TRIP4: variants seen among roughly 807,000 people sequenced by gnomAD.
The protein encoded by TRIP4 is thyroid hormone receptor interactor 4.
TRIP4 carries 54 observed loss-of-function variants against 81.8 expected under a neutral mutation model. The observed-to-expected ratio is 0.66, with a 90% CI of 0.53 to 0.83. TRIP4 has a LOEUF of 0.83. Ranked by LOEUF, TRIP4 falls within the 40% of genes least tolerant of loss-of-function variation. The pLI, the probability that TRIP4 is intolerant of heterozygous loss-of-function variation, is 0.00. For missense variants in TRIP4, 662 were observed against 683.6 expected (o/e 0.97, Z 0.35); for synonymous variants, 270 against 242.8 (o/e 1.11, Z -1.04).
intron 11 of TRIP4, among the ~76,000 whole-genome samples, chr15:64,435,283 A>G (rs1273731863): frequency 1.4e-5 from 2 of 143,136 alleles, no homozygotes; most frequent in Admixed American, 7.1e-5. Flanking sequence ...GCACTTTGGG[A>G]GGCCATGGCG....
intron 6 of TRIP4, among the ~76,000 whole-genome samples, chr15:64,409,014 A>C (rs1050353210): frequency 3.2e-4 from 49 of 152,184 alleles, no homozygotes; most frequent in Admixed American, 2.7e-3. Context: ...GGAGTTCAAG[A>C]CCAGCCAAGC....
chr15:64,426,323 G>A (rs1245777741), intron 11 of TRIP4, among the ~76,000 whole-genome samples: 1 of 151,936 alleles, frequency 6.6e-6, no homozygotes, highest in African/African-American at 2.4e-5. Context: ...TTTGGGAGGA[G>A]GTATGTGTAT....
rs763249950 is a variant in TRIP4 at position 64,409,746 on chromosome 15, C to T, written c.961C>T (p.Arg321Ter). 9 of 1,614,066 alleles carry T rather than the reference C, an allele frequency of 5.6e-6. No homozygotes were observed. Among genetic ancestry groups the T allele is most frequent in the Non-Finnish European group, 7.6e-6 (9 of 1,180,014 alleles). ...GCTGAGAGAACTTCGACACGCCTCT[C>T]GACTTTCTAAGAAGGTCACCATTGA... is the stretch of plus-strand genomic sequence containing the variant. Reference protein sequence around the residue: ...EELRELRHASRLSKKVTIDFA... With the variant: ...EELRELRHAS Residue 321 changes from arginine to a stop codon, truncating the protein, a stop_gained, in exon 7 of 13, where the codon CGA becomes TGA. Transcript: ENST00000261884. LOFTEE classifies it high-confidence loss of function.
At chr15:64,431,954 T>C (rs1892289063) in intron 11 of TRIP4, among the ~76,000 whole-genome samples, 1 of 147,610 alleles carries the variant, frequency 6.8e-6, no homozygotes, top group Admixed American at 6.8e-5. Flanking sequence ...TGGAGTGATC[T>C]TGGCTCACTG....
chr15:64,429,756 G>A (rs991699424), intron 11 of TRIP4, among the ~76,000 whole-genome samples: 3 of 152,092 alleles, frequency 2.0e-5, no homozygotes, highest in African/African-American at 7.2e-5. Context: ...GAACCATCTA[G>A]GAAGTAGTTT....
intron 2 of TRIP4, among the ~76,000 whole-genome samples, chr15:64,394,756 A>G (rs894291593): frequency 6.6e-6 from 1 of 152,252 alleles, no homozygotes; most frequent in Non-Finnish European, 1.5e-5. Context: ...TGACTATAGT[A>G]TGAATAGCAT....
In TRIP4 at chr15:64,393,954, T is replaced by G. The variant is rs758629931; in HGVS notation, c.110T>G (p.Leu37Trp). 5 of 1,584,832 alleles carry G rather than the reference T, an allele frequency of 3.2e-6. No homozygotes were observed. Among genetic ancestry groups the G allele is most frequent in the Non-Finnish European group, 3.4e-6 (4 of 1,168,434 alleles). ...TATCTTTGCCTCCTGAGGTACGTTT[T>G]GTCAATTGAGAGTGCTGAAGAGATA... ...DVSEEIIQYVLSIESAEEIRE... is the reference protein window; with the variant it reads ...DVSEEIIQYVWSIESAEEIRE... Residue 37 changes from leucine to tryptophan, a missense_variant, in exon 2 of 13, where the codon TTG (leucine) becomes TGG (tryptophan). Coordinates refer to ENST00000261884, the MANE Select transcript of TRIP4 (RefSeq NM_016213.5).
At chr15:64,399,529 TG>T (rs1891437522) in intron 4 of TRIP4, among the ~76,000 whole-genome samples, 1 of 151,904 alleles carries the variant, frequency 6.6e-6, no homozygotes, top group Admixed American at 6.6e-5. Flanking sequence ...TTTTTTGAGA[TG>T]GAGTCTCACT....
chr15:64,441,059 C>T (rs995256315), intron 11 of TRIP4, among the ~76,000 whole-genome samples: 31 of 151,666 alleles, frequency 2.0e-4, no homozygotes, highest in African/African-American at 6.5e-4. Context: ...TGCAGTGGTG[C>T]GATCTCGGCT....
intron 7 of TRIP4, among the ~76,000 whole-genome samples, chr15:64,411,989 G>T (rs1379197541): frequency 6.6e-6 from 1 of 152,024 alleles, no homozygotes; most frequent in Non-Finnish European, 1.5e-5. Flanking sequence ...ACTAAATTGT[G>T]CATACTTTTG....
At chr15:64,413,190 C>T (rs1387210858) in intron 7 of TRIP4, among the ~76,000 whole-genome samples, 2 of 152,014 alleles carry the variant, frequency 1.3e-5, no homozygotes, top group Admixed American at 1.3e-4. Flanking sequence ...TCAGGGTATT[C>T]CTAGGCAACT....
At chr15:64,437,382 A>G (rs985379287) in intron 11 of TRIP4, among the ~76,000 whole-genome samples, 5 of 151,226 alleles carry the variant, frequency 3.3e-5, no homozygotes, top group African/African-American at 7.3e-5. Flanking sequence ...GCACCATTGC[A>G]CTCCAACCTG....
chr15:64,440,467 T>TC (rs1452096366), intron 11 of TRIP4, among the ~76,000 whole-genome samples: 1 of 151,188 alleles, frequency 6.6e-6, no homozygotes, highest in African/African-American at 2.4e-5. Flanking sequence ...GTCTTTTTTT[T>TC]TTTTTGGAGG....
At chr15:64,417,684 T>C (rs1321159846) in intron 8 of TRIP4, among the ~76,000 whole-genome samples, 1 of 152,142 alleles carries the variant, frequency 6.6e-6, no homozygotes, top group Non-Finnish European at 1.5e-5. Context: ...TCCTCCACCC[T>C]CTCTTTCAGG....
intron 8 of TRIP4, among the ~76,000 whole-genome samples, chr15:64,416,819 G>A (rs755918993): frequency 6.6e-6 from 1 of 151,994 alleles, no homozygotes; most frequent in Non-Finnish European, 1.5e-5. Context: ...TATTTAATTT[G>A]TAAAAATGTG....
chr15:64,423,390 G>C (rs1478922371), intron 9 of TRIP4, among the ~76,000 whole-genome samples: 2 of 146,132 alleles, frequency 1.4e-5, no homozygotes, highest in East Asian at 4.1e-4. Flanking sequence ...TTGAACCCAG[G>C]AGGCGGAGGT....
chr15:64,409,515 C>G, intron 6 of TRIP4, 98 bp from the exon 7 acceptor site: 1 of 1,145,992 alleles, frequency 8.7e-7, no homozygotes, highest in Non-Finnish European at 1.3e-6. Flanking sequence ...GATTTTGGAA[C>G]ATATTTGAGA....
chr15:64,435,091 C>T (rs1293185307), intron 11 of TRIP4, among the ~76,000 whole-genome samples: 2 of 151,022 alleles, frequency 1.3e-5, no homozygotes, highest in Non-Finnish European at 2.9e-5. Context: ...TGGCATGCAC[C>T]TGTAAACCCA....
intron 11 of TRIP4, among the ~76,000 whole-genome samples, chr15:64,442,711 G>C (rs1459544010): frequency 2.6e-5 from 4 of 152,016 alleles, no homozygotes; most frequent in Non-Finnish European, 5.9e-5. Context: ...AACTGAGCCA[G>C]GCACGGTGGC....
Sources: gnomAD v4.1 joint callset for allele counts (sites outside exome capture counted in the v4.1 genomes callset) on GRCh38, gnomAD v4.1.1 for gene constraint, MANE v1.5 for transcripts, NCBI Gene and HGNC (gene_info 2026-07-23, HGNC 2026-07-21) for gene names.